The following SEC14L6 variants were observed in gnomAD, a reference collection of about 807,000 sequenced individuals.
SEC14L6 encodes SEC14 like lipid binding 6.
A neutral mutation model predicts 54.1 loss-of-function variants in SEC14L6; 40 were observed. The ratio of observed to expected loss-of-function variants is 0.74; its 90% CI spans 0.57 to 0.96. SEC14L6 has a LOEUF of 0.96. Among genes scored for constraint, SEC14L6 ranks in the 40% least tolerant of loss-of-function variants. SEC14L6 has a pLI of 0.00. For missense variants in SEC14L6, 471 were observed against 498.3 expected (o/e 0.95, Z 0.52); for synonymous variants, 171 against 198.4 (o/e 0.86, Z 1.16).
intron 11 of SEC14L6, 104 bp downstream of exon 11, chr22:30,525,246 C>G: frequency 1.4e-6 from 2 of 1,419,422 alleles, no homozygotes; most frequent in Non-Finnish European, 1.9e-6. Context: ...TCACACTGTG[C>G]CCACCAGAAC....
intron 1 of SEC14L6, chr22:30,542,617 T>C (rs2085742905): frequency 2.0e-6 from 3 of 1,532,748 alleles, no homozygotes; most frequent in Non-Finnish European, 2.6e-6. Flanking sequence ...GCCGCTGCTC[T>C]GCCTGCTGCT....
chr22:30,537,581 G>A (rs1216987565), intron 2 of SEC14L6, among the ~76,000 whole-genome samples: 1 of 152,214 alleles, frequency 6.6e-6, no homozygotes, highest in East Asian at 1.9e-4. Context: ...GTCAGCCTGG[G>A]CTTCAGAGTG....
intron 1 of SEC14L6, 57 bp downstream of exon 1, chr22:30,546,572 T>A: frequency 6.7e-7 from 1 of 1,488,242 alleles, no homozygotes; most frequent in Non-Finnish European, 9.2e-7. Flanking sequence ...AGTCCTGCCC[T>A]TCCCCGTGGC....
At chr22:30,541,423 C>T (rs2085707253) in intron 1 of SEC14L6, among the ~76,000 whole-genome samples, 1 of 152,122 alleles carries the variant, frequency 6.6e-6, no homozygotes, top group African/African-American at 2.4e-5. Flanking sequence ...CTTTGGGAAG[C>T]CGAGGTGGGT....
chr22:30,533,921 G>C (rs530410109), intron 3 of SEC14L6, 75 bp downstream of exon 3: 1 of 1,319,406 alleles, frequency 7.6e-7, no homozygotes, highest in Non-Finnish European at 1.1e-6. Context: ...ATGGATGAAT[G>C]AATGAATAAA....
At chr22:30,546,040 T>C (rs1601907279) in intron 1 of SEC14L6, among the ~76,000 whole-genome samples, 1 of 150,156 alleles carries the variant, frequency 6.7e-6, no homozygotes, top group African/African-American at 2.4e-5. Context: ...ATTACAGGCA[T>C]GAGCCACAGC....
chr22:30,535,569 C>T (rs552031835), intron 2 of SEC14L6, among the ~76,000 whole-genome samples: 5 of 152,140 alleles, frequency 3.3e-5, no homozygotes, highest in Non-Finnish European at 5.9e-5. Context: ...AGAGGCAGAG[C>T]GGGGACTAGA....
At chr22:30,542,208 G>A (rs1233487362) in intron 1 of SEC14L6, among the ~76,000 whole-genome samples, 2 of 152,148 alleles carry the variant, frequency 1.3e-5, no homozygotes, top group Non-Finnish European at 2.9e-5. Flanking sequence ...TGAAAGGATC[G>A]GTCCCCTCCG....
intron 1 of SEC14L6, among the ~76,000 whole-genome samples, chr22:30,541,952 A>G (rs1278869643): frequency 1.3e-5 from 2 of 152,252 alleles, no homozygotes; most frequent in African/African-American, 4.8e-5. Context: ...CAAGTTACCA[A>G]CACACAGCTT....
Position 30,524,930 on chromosome 22 carries a change from G to A in SEC14L6, c.*67C>T, listed in dbSNP as rs1157944153. On this transcript the variant is annotated 3_prime_UTR_variant, in exon 12 of 12. Coordinates refer to ENST00000402034, the MANE Select transcript of SEC14L6 (RefSeq NM_001193336.4). ...TGAGAGGTTGAACAGGGTCTGGCCA[G>A]GGAAGGCTGTGAACTCATTGTGGAT... The A allele has an allele frequency of 1.2e-6, 1 of 836,646 alleles. No homozygotes were observed. The highest frequency in any genetic ancestry group is 2.7e-5 in the East Asian group (1 of 37,584). 51.8% of individuals were successfully genotyped at this position (836,646 alleles called of 1,614,324 possible).
rs1382403652 is a variant in SEC14L6 at position 30,524,996 on chromosome 22, C to A, written c.*1G>T. On this transcript the variant is annotated 3_prime_UTR_variant, in exon 12 of 12. Transcript: ENST00000402034. ...GAGGGTGTGGGGACCATGAGGTTCA[C>A]CTAGAATTTCTCCATCTTCTCCATG... The A allele has an allele frequency of 6.9e-7, 1 of 1,459,724 alleles. No homozygotes were observed. Among genetic ancestry groups the A allele is most frequent in the South Asian group, 1.2e-5 (1 of 82,150 alleles). The allele number at this position is 1,459,724 out of a possible 1,614,324, so 90.4% of individuals were successfully genotyped here. A position where few individuals can be genotyped will look rare whatever the true frequency, so the allele number is the denominator to read the frequency against.
At position 30,534,337 on chromosome 22, in the gene SEC14L6, G is replaced by T. The variant is rs564561059; in HGVS notation, c.131-298C>A. On this transcript the variant is annotated intron_variant, in intron 2 of 11. Coordinates refer to ENST00000402034, the MANE Select transcript of SEC14L6 (RefSeq NM_001193336.4). ...GAATCTGTCAGAATCATAAGGCTGAGAATTGTTTAAATCAGCAGATCACAA... is the reference window on the plus strand; with the variant it reads ...GAATCTGTCAGAATCATAAGGCTGATAATTGTTTAAATCAGCAGATCACAA... Among the ~76,000 whole-genome samples, 18 of 152,296 alleles carry T rather than the reference G, an allele frequency of 1.2e-4. No homozygotes were observed. The East Asian group carries it at 3.5e-3, about 29-fold the overall frequency.
intron 1 of SEC14L6, chr22:30,544,092 G>A (rs1233374543): frequency 9.6e-6 from 14 of 1,463,176 alleles, no homozygotes; most frequent in Middle Eastern, 3.5e-4. Context: ...GAATGGGACC[G>A]TGGTTTGCTC....
At chr22:30,532,040 T>A in intron 5 of SEC14L6, 42 bp from the exon 6 acceptor site, 2 of 1,538,726 alleles carry the variant, frequency 1.3e-6, no homozygotes, top group South Asian at 2.4e-5. Flanking sequence ...TGAGGGCCAC[T>A]GCCCCCACCC....
chr22:30,532,192 G>A, intron 5 of SEC14L6, 194 bp from the exon 6 acceptor site: 1 of 985,446 alleles, frequency 1.0e-6, no homozygotes, highest in Non-Finnish European at 1.2e-6. Flanking sequence ...CTTTGTGTCT[G>A]TCCATGGGAG....
At chr22:30,533,733 C>T (rs1937058227) in intron 3 of SEC14L6, among the ~76,000 whole-genome samples, 1 of 152,140 alleles carries the variant, frequency 6.6e-6, no homozygotes, top group Non-Finnish European at 1.5e-5. Flanking sequence ...CCTGACCTCT[C>T]TTCCCTCCTT....
At position 30,524,968 on chromosome 22, in the gene SEC14L6, GA is replaced by G; in HGVS notation, c.*28del. 8.9e-7 allele frequency: 1 copy of G among 1,122,124 alleles called. No individual in the cohort carries two copies. The highest frequency in any genetic ancestry group is 1.3e-6 in the Non-Finnish European group (1 of 755,674). 69.5% of individuals were successfully genotyped at this position (1,122,124 alleles called of 1,614,324 possible). ...ACTCATTGTGGATTCAGAGATCAAA[GA>G]GGAGGGTGTGGGGACCATGAGGTTC... On this transcript the variant is annotated 3_prime_UTR_variant, in exon 12 of 12. Transcript: ENST00000402034.
At chr22:30,543,785 C>A (rs1444016628) in intron 1 of SEC14L6, 2 of 1,529,514 alleles carry the variant, frequency 1.3e-6, no homozygotes, top group African/African-American at 2.7e-5. Context: ...GGCTCCACTT[C>A]TTCTACAAGG....
intron 9 of SEC14L6, 28 bp downstream of exon 9, chr22:30,525,798 C>T: frequency 8.1e-6 from 13 of 1,613,572 alleles, no homozygotes; most frequent in South Asian, 2.2e-5. Context: ...CTTCTCCCCT[C>T]CTTCCCCATC....
Sources: gnomAD v4.1 joint callset for allele counts (sites outside exome capture counted in the v4.1 genomes callset) on GRCh38, gnomAD v4.1.1 for gene constraint, MANE v1.5 for transcripts, NCBI Gene and HGNC (gene_info 2026-07-23, HGNC 2026-07-21) for gene names.